EYS: variants seen among roughly 807,000 people sequenced by gnomAD.
The protein encoded by EYS is EGF-like photoreceptor maintenance factor, also known as protein eyes shut homolog.
EYS carries 250 observed loss-of-function variants against 282.1 expected under a neutral mutation model. The ratio of observed to expected loss-of-function variants is 0.89; its 90% CI spans 0.80 to 0.98. EYS has a LOEUF of 0.98. EYS is among the 50% of genes least tolerant of loss of function. The pLI is 0.00. For missense variants in EYS, 4,016 were observed against 3,709.0 expected (o/e 1.08, Z -2.15); for synonymous variants, 1,355 against 1,282.9 (o/e 1.06, Z -1.20).
intron 1 of EYS, among the ~76,000 whole-genome samples, chr6:65,670,904 G>A (rs1768370918): frequency 6.7e-6 from 1 of 150,238 alleles, no homozygotes; most frequent in Admixed American, 6.7e-5. Flanking sequence ...TATATGAATG[G>A]CACCTATATT....
intron 12 of EYS, among the ~76,000 whole-genome samples, chr6:65,135,112 T>C (rs757957764): frequency 9.2e-5 from 14 of 152,092 alleles, no homozygotes; most frequent in Non-Finnish European, 1.8e-4. Context: ...TGTCTATTGA[T>C]GTCTTATTTT....
At chr6:65,427,439 A>G (rs1319073965) in intron 5 of EYS, among the ~76,000 whole-genome samples, 1 of 152,074 alleles carries the variant, frequency 6.6e-6, no homozygotes, top group Non-Finnish European at 1.5e-5. Context: ...TTTCATAGTT[A>G]ATATGTATTT....
At chr6:64,220,009 C>T (rs1766049193) in intron 31 of EYS, among the ~76,000 whole-genome samples, 1 of 152,000 alleles carries the variant, frequency 6.6e-6, no homozygotes, top group Non-Finnish European at 1.5e-5. Flanking sequence ...GGAAGGGGAA[C>T]ATCACACACC....
chr6:65,200,880 A>G (rs977582812), intron 12 of EYS, among the ~76,000 whole-genome samples: 1 of 152,174 alleles, frequency 6.6e-6, no homozygotes, highest in Non-Finnish European at 1.5e-5. Flanking sequence ...GGGAATAGAA[A>G]CAGAAGAAAA....
chr6:64,032,177 C>T (rs1484698580), intron 33 of EYS, among the ~76,000 whole-genome samples: 1 of 151,998 alleles, frequency 6.6e-6, no homozygotes, highest in Non-Finnish European at 1.5e-5. Flanking sequence ...GGCGAGACCA[C>T]GAACCCACCA....
At chr6:64,674,636 A>G (rs1769586523) in intron 22 of EYS, among the ~76,000 whole-genome samples, 1 of 152,006 alleles carries the variant, frequency 6.6e-6, no homozygotes. Flanking sequence ...AGGAATAGAA[A>G]GTCCTTGGCT....
At chr6:64,074,955 G>A (rs759395901) in intron 32 of EYS, among the ~76,000 whole-genome samples, 1 of 151,840 alleles carries the variant, frequency 6.6e-6, no homozygotes, top group African/African-American at 2.4e-5. Flanking sequence ...CACTAACTTG[G>A]GTTCAAATCT....
intron 40 of EYS, among the ~76,000 whole-genome samples, chr6:63,770,574 C>A (rs1021313664): frequency 6.6e-6 from 1 of 152,082 alleles, no homozygotes; most frequent in African/African-American, 2.4e-5. Context: ...TAACTTATTT[C>A]TCTGCTCTTT....
At chr6:63,944,334 G>A (rs1436945144) in intron 35 of EYS, among the ~76,000 whole-genome samples, 1 of 152,124 alleles carries the variant, frequency 6.6e-6, no homozygotes, top group Non-Finnish European at 1.5e-5. Flanking sequence ...AAGAATTTTT[G>A]CCTTAATGTA....
Position 64,549,230 on chromosome 6 carries a change from C to T in EYS, c.5644+40993G>A, listed in dbSNP as rs1301355848. ...ATCCACTCAGTACGTAAAACCTGACCTTCACTCTGCCTCACCGTATCATAA... is the reference window on the plus strand; with the variant it reads ...ATCCACTCAGTACGTAAAACCTGACTTTCACTCTGCCTCACCGTATCATAA... On this transcript the variant is annotated intron_variant, in intron 26 of 42. Coordinates refer to ENST00000503581, the MANE Select transcript of EYS (RefSeq NM_001142800.2). 4.6e-5 allele frequency among the ~76,000 whole-genome samples: 7 copies of T among 152,282 alleles called. No individual in the cohort carries two copies. In the East Asian group the frequency reaches 5.8e-4, roughly 13 times the overall value.
intron 14 of EYS, among the ~76,000 whole-genome samples, chr6:64,969,115 A>G (rs1770203454): frequency 6.6e-6 from 1 of 152,192 alleles, no homozygotes; most frequent in South Asian, 2.1e-4. Flanking sequence ...CTCATTTCCT[A>G]AAACTTTTCC....
intron 11 of EYS, chr6:65,330,420 C>A (rs1002987767): frequency 3.0e-6 from 3 of 984,234 alleles, no homozygotes; most frequent in Admixed American, 6.2e-5. Context: ...AAATTAACAT[C>A]CCAGACTTAG....
At chr6:65,068,669 A>T (rs1773819236) in intron 12 of EYS, among the ~76,000 whole-genome samples, 1 of 152,032 alleles carries the variant, frequency 6.6e-6, no homozygotes, top group African/African-American at 2.4e-5. Flanking sequence ...GTTTCTAGGT[A>T]TCATAGGCCA....
intron 19 of EYS, among the ~76,000 whole-genome samples, chr6:64,866,731 A>C (rs1324838702): frequency 5.9e-5 from 9 of 151,758 alleles, no homozygotes; most frequent in African/African-American, 2.2e-4. Flanking sequence ...TTTAAAGATG[A>C]AATTTGTGAT....
chr6:65,094,843 T>G (rs1774692712), intron 12 of EYS, among the ~76,000 whole-genome samples: 1 of 150,578 alleles, frequency 6.6e-6, no homozygotes, highest in African/African-American at 2.4e-5. Context: ...AAGCACAAAA[T>G]TAGCAGAAGG....
chr6:64,942,028 T>A (rs532616898), intron 15 of EYS, among the ~76,000 whole-genome samples: 10 of 152,210 alleles, frequency 6.6e-5, no homozygotes, highest in African/African-American at 2.4e-4. Flanking sequence ...TTTTGAGAAA[T>A]CTCCAAACTG....
intron 15 of EYS, among the ~76,000 whole-genome samples, chr6:64,926,497 G>A (rs1305011002): frequency 6.6e-6 from 1 of 152,166 alleles, no homozygotes; most frequent in Non-Finnish European, 1.5e-5. Flanking sequence ...GTTGGGACAA[G>A]GATCTCCGTT....
At chr6:64,040,467 C>A (rs1436758472) in intron 33 of EYS, among the ~76,000 whole-genome samples, 1 of 152,146 alleles carries the variant, frequency 6.6e-6, no homozygotes, top group Admixed American at 6.5e-5. Context: ...TCTATGTAAA[C>A]ATTTAGGTAG....
intron 19 of EYS, among the ~76,000 whole-genome samples, chr6:64,835,129 CT>C (rs1765343005): frequency 1.3e-5 from 2 of 151,706 alleles, no homozygotes; most frequent in Admixed American, 1.3e-4. Flanking sequence ...TTTAATTCCC[CT>C]GATGCAGTAC....
Sources: allele counts gnomAD v4.1 joint callset (sites outside exome capture counted in the v4.1 genomes callset), GRCh38; gene constraint gnomAD v4.1.1; transcripts MANE v1.5; gene names NCBI Gene and HGNC (gene_info 2026-07-23, HGNC 2026-07-21).